ABCA13: variants seen among roughly 807,000 people sequenced by gnomAD.
ABCA13 encodes ATP-binding cassette sub-family A member 13.
ABCA13 carries 476 observed loss-of-function variants against 478.7 expected under a neutral mutation model. The observed-to-expected ratio is 0.99, with a 90% CI of 0.92 to 1.07. ABCA13 has a LOEUF of 1.07. Among genes scored for constraint, ABCA13 ranks in the 50% least tolerant of loss-of-function variants. The pLI, the probability that ABCA13 is intolerant of heterozygous loss-of-function variation, is 0.00. For synonymous variants in ABCA13, 2,252 were observed against 2,158.9 expected (o/e 1.04, Z -1.20); for missense variants, 6,060 against 5,910.6 (o/e 1.03, Z -0.83).
At chr7:48,280,968 T>A (rs1403821380) in intron 18 of ABCA13, among the ~76,000 whole-genome samples, 1 of 152,184 alleles carries the variant, frequency 6.6e-6, no homozygotes, top group Admixed American at 6.5e-5. Context: ...TCCACCAATC[T>A]CAGGTTTTAT....
At chr7:48,514,483 A>G (rs958217123) in intron 51 of ABCA13, among the ~76,000 whole-genome samples, 61 of 152,222 alleles carry the variant, frequency 4.0e-4, no homozygotes, top group African/African-American at 1.4e-3. Flanking sequence ...ATCAGTAGCT[A>G]TAAGTTGGAG....
chr7:48,565,258 A>C (rs1284009592), intron 55 of ABCA13, among the ~76,000 whole-genome samples: 2 of 118,852 alleles, frequency 1.7e-5, no homozygotes, highest in African/African-American at 7.1e-5. Flanking sequence ...CATTTTCTTC[A>C]TGGGCAAGAA....
chr7:48,402,136 G>A (rs995337504), intron 38 of ABCA13, among the ~76,000 whole-genome samples: 2 of 152,162 alleles, frequency 1.3e-5, no homozygotes, highest in Non-Finnish European at 2.9e-5. Flanking sequence ...GGTGCACAAT[G>A]AGGCAGCAGC....
At chr7:48,570,209 T>C (rs1421192009) in intron 55 of ABCA13, among the ~76,000 whole-genome samples, 2 of 152,072 alleles carry the variant, frequency 1.3e-5, no homozygotes, top group African/African-American at 4.8e-5. Flanking sequence ...AAGATGTTTT[T>C]CTTTGTTTTT....
At position 48,274,185 on chromosome 7, in the gene ABCA13, T is replaced by TTAAC; in HGVS notation, c.4520_4523dup (p.Thr1509AsnfsTer5). Reference sequence around the variant, plus strand: ...GCAAGTAAGGATGAGTATCAACAACTTAACAACAGACTTTGATTTTGCATC... The same window carrying TTAAC: ...GCAAGTAAGGATGAGTATCAACAACTTAACTAACAACAGACTTTGATTTTGCATC... On this transcript the variant is annotated frameshift_variant, in exon 17 of 62. Coordinates refer to ENST00000435803, the MANE Select transcript of ABCA13 (RefSeq NM_152701.5). LOFTEE classifies it high-confidence loss of function. 2 of 1,612,138 alleles carry TTAAC rather than the reference T, an allele frequency of 1.2e-6. No homozygotes were observed. The highest frequency in any genetic ancestry group is 8.5e-7 in the Non-Finnish European group (1 of 1,178,864).
chr7:48,242,442 T>C (rs1162939420), intron 10 of ABCA13, among the ~76,000 whole-genome samples: 3 of 152,146 alleles, frequency 2.0e-5, no homozygotes, highest in Admixed American at 1.3e-4. Flanking sequence ...TTCTTTGTTT[T>C]GTTTTGTTTT....
Position 48,350,249 on chromosome 7 carries a change from T to C in ABCA13, c.10205-394T>C, listed in dbSNP as rs180994364. On this transcript the variant is annotated intron_variant, in intron 29 of 61. Coordinates refer to ENST00000435803, the MANE Select transcript of ABCA13 (RefSeq NM_152701.5). ...TGCTTCAGGGAAGGCGTGTTTTTTT[T>C]AGAATTGCTTGACTCCAGGTTGGAA... Among the ~76,000 whole-genome samples the C allele has an allele frequency of 1.6e-3, 241 of 152,308 alleles. 1 individual carries two copies. The highest frequency in any genetic ancestry group is 5.5e-3 in the African/African-American group (229 of 41,560).
intron 45 of ABCA13, among the ~76,000 whole-genome samples, chr7:48,479,328 C>T (rs962124767): frequency 6.6e-6 from 1 of 152,104 alleles, no homozygotes; most frequent in Admixed American, 6.6e-5. Context: ...ACCTCCGCCT[C>T]CCAGGTTCAA....
chr7:48,270,502 A>G (rs1795454097), intron 16 of ABCA13, among the ~76,000 whole-genome samples: 1 of 152,144 alleles, frequency 6.6e-6, no homozygotes, highest in South Asian at 2.1e-4. Flanking sequence ...AGGCACAATG[A>G]CTTGGATGGT....
intron 57 of ABCA13, among the ~76,000 whole-genome samples, chr7:48,589,316 A>G (rs891682182): frequency 5.3e-5 from 8 of 152,176 alleles, no homozygotes; most frequent in African/African-American, 1.7e-4. Context: ...ATGGAGGTTG[A>G]AAATTCATTT....
chr7:48,584,603 C>T (rs915490338), intron 56 of ABCA13, among the ~76,000 whole-genome samples: 12 of 152,158 alleles, frequency 7.9e-5, no homozygotes, highest in African/African-American at 2.7e-4. Flanking sequence ...TGGTTCCTGC[C>T]TTGTGCACTG....
At chr7:48,220,044 G>A (rs1309619645) in intron 4 of ABCA13, among the ~76,000 whole-genome samples, 1 of 151,914 alleles carries the variant, frequency 6.6e-6, no homozygotes, top group African/African-American at 2.4e-5. Flanking sequence ...AAACCTTTTG[G>A]ATTATTGGGG....
At chr7:48,186,823 C>T (rs560390162) in intron 1 of ABCA13, among the ~76,000 whole-genome samples, 2 of 151,916 alleles carry the variant, frequency 1.3e-5, no homozygotes, top group South Asian at 2.1e-4. Context: ...ATGCCCCTGT[C>T]GTTTCTAGTC....
intron 3 of ABCA13, among the ~76,000 whole-genome samples, chr7:48,207,031 T>G (rs1047815485): frequency 3.3e-5 from 5 of 152,164 alleles, no homozygotes; most frequent in Admixed American, 3.3e-4. Context: ...GTTTAATTAT[T>G]TTAAGCTCCC....
Position 48,372,155 on chromosome 7 carries a change from C to T in ABCA13, c.10804-13C>T, listed in dbSNP as rs756865000. 5 of 1,596,572 alleles carry T rather than the reference C, an allele frequency of 3.1e-6. No homozygotes were observed. The highest frequency in any genetic ancestry group is 2.2e-5 in the South Asian group (2 of 89,148). On this transcript the variant is annotated splice_polypyrimidine_tract_variant and intron_variant, in intron 32 of 61. Transcript: ENST00000435803. ...ATGCTGTGGTAACCTTGGGTTTTTT[C>T]TCTTTTTGGTAGTATATGCGGATGA...
intron 58 of ABCA13, among the ~76,000 whole-genome samples, chr7:48,609,878 T>A (rs1229837289): frequency 1.3e-5 from 2 of 152,224 alleles, no homozygotes; most frequent in East Asian, 3.9e-4. Flanking sequence ...ACCTGCCCCA[T>A]GATCAAATCA....
At chr7:48,530,937 C>G (rs1833187487) in intron 55 of ABCA13, among the ~76,000 whole-genome samples, 1 of 152,098 alleles carries the variant, frequency 6.6e-6, no homozygotes, top group Admixed American at 6.5e-5. Flanking sequence ...ACTCTGTGGG[C>G]TGGCTGTTAA....
rs561149803 is a variant in ABCA13 at position 48,617,767 on chromosome 7, G to A, written c.14837+2390G>A. On this transcript the variant is annotated intron_variant, in intron 59 of 61. Transcript: ENST00000435803. Reference sequence around the variant, plus strand: ...CTTCAGTGCAGGTCTCAGCAAATTCGCCCGTGACAGGAAGCTGAGGCTTGC... The same window carrying A: ...CTTCAGTGCAGGTCTCAGCAAATTCACCCGTGACAGGAAGCTGAGGCTTGC... 1.5e-4 allele frequency among the ~76,000 whole-genome samples: 23 copies of A among 152,172 alleles called. 1 individual carries two copies. Among genetic ancestry groups the A allele is most frequent in the Admixed American group, 1.1e-3 (17 of 15,284 alleles).
chr7:48,288,188 T>G (rs572311990), intron 20 of ABCA13, 110 bp downstream of exon 20: 2 of 973,548 alleles, frequency 2.1e-6, no homozygotes, highest in Admixed American at 3.8e-5. Flanking sequence ...ACAGCAATGG[T>G]GTCATACACA....
Sources: gnomAD v4.1 joint callset for allele counts (sites outside exome capture counted in the v4.1 genomes callset) on GRCh38, gnomAD v4.1.1 for gene constraint, MANE v1.5 for transcripts, NCBI Gene and HGNC (gene_info 2026-07-23, HGNC 2026-07-21) for gene names.